Variants in TANC1 observed in about 807,000 individuals in gnomAD.
The protein encoded by TANC1 is protein TANC1.
A neutral mutation model predicts 149.7 loss-of-function variants in TANC1; 77 were observed. The observed-to-expected ratio is 0.51, with a 90% confidence interval of 0.43 to 0.62. The LOEUF (loss-of-function observed/expected upper bound fraction) is 0.62, where lower values mean the gene tolerates loss of function less well. Among genes scored for constraint, TANC1 ranks in the 20% least tolerant of loss-of-function variants. TANC1 has a pLI of 0.00. For synonymous variants in TANC1, 854 were observed against 925.0 expected, an observed-to-expected ratio of 0.92 and a Z score of 1.39; for missense variants, 1,985 against 2,321.8, an observed-to-expected ratio of 0.85 and a Z score of 2.98.
chr2:159,194,541 A>G, intron 17 of TANC1, 48 bp downstream of exon 17: 1 of 1,462,852 alleles, frequency 6.8e-7, no homozygotes. Context: ...AAATGGCTTC[A>G]TCTCATTGCT....
intron 19 of TANC1, among the ~76,000 whole-genome samples, chr2:159,213,775 C>T (rs917431850): frequency 1.3e-5 from 2 of 152,060 alleles, no homozygotes; most frequent in African/African-American, 4.8e-5. Context: ...TGAGACTGCC[C>T]AGTGATAAGT....
chr2:159,212,470 A>C (rs1041208996), intron 19 of TANC1, among the ~76,000 whole-genome samples: 2 of 152,232 alleles, frequency 1.3e-5, no homozygotes, highest in African/African-American at 4.8e-5. Context: ...AAATCACTTC[A>C]TCCCTACCCT....
intron 19 of TANC1, among the ~76,000 whole-genome samples, chr2:159,212,919 CAAAAA>C (rs35369711): frequency 2.6e-5 from 3 of 114,994 alleles, no homozygotes; most frequent in African/African-American, 6.8e-5. Flanking sequence ...GACACCGTCT[CAAAAA>C]AAAAAAAAAA....
At chr2:159,206,697 G>A (rs1227359255) in intron 19 of TANC1, among the ~76,000 whole-genome samples, 1 of 152,198 alleles carries the variant, frequency 6.6e-6, no homozygotes, top group African/African-American at 2.4e-5. Context: ...GTTTCTTCTT[G>A]AAATGATATT....
rs1298414688 is a variant in TANC1 at position 159,103,632 on chromosome 2, T to C, written c.259+5798T>C. On this transcript the variant is annotated intron_variant, in intron 4 of 26. Coordinates refer to ENST00000263635, the MANE Select transcript of TANC1 (RefSeq NM_033394.3). ...AGAAAAACATTCAGTTGGCTCCCAG[T>C]TTCAGCCGCCTGGTGCGGATCCTAG... Among the ~76,000 whole-genome samples, 7 of 96,790 alleles carry C rather than the reference T, an allele frequency of 7.2e-5. 3 individuals carry two copies. Among genetic ancestry groups the C allele is most frequent in the Admixed American group, 2.2e-4 (2 of 9,110 alleles). 63.5% of individuals were successfully genotyped at this position (96,790 alleles called of 152,430 possible).
intron 3 of TANC1, among the ~76,000 whole-genome samples, chr2:159,066,495 C>T (rs2042680101): frequency 6.6e-6 from 1 of 152,134 alleles, no homozygotes; most frequent in Non-Finnish European, 1.5e-5. Flanking sequence ...GGGTTATAAC[C>T]AAATCCTTTC....
At chr2:158,981,491 T>TTATATATATATATATA (rs10602195) in intron 1 of TANC1, among the ~76,000 whole-genome samples, 1 of 34,344 alleles carries the variant, frequency 2.9e-5, no homozygotes, top group Non-Finnish European at 6.3e-5. Flanking sequence ...TATATAGCTT[T>TTATATATATATATATA]TATATATATA....
At position 159,163,397 on chromosome 2, in the gene TANC1, C is replaced by A. The variant is rs767993243; in HGVS notation, c.797C>A (p.Ala266Glu). The A allele has an allele frequency of 6.2e-7, 1 of 1,614,230 alleles. No homozygotes were observed. The highest frequency in any genetic ancestry group is 8.5e-7 in the Non-Finnish European group (1 of 1,180,048). The change falls in exon 8 of 27, where the codon GCA (alanine) becomes GAA (glutamate). Residue 266 changes from alanine to glutamate, a missense_variant. Transcript: ENST00000263635. ...AAGGGAGTGCTTCATGACCGCAGGG[C>A]AGATAACTGCTCCCCAGTGGCAGAA... ...VQKGVLHDRR[A>E]DNCSPVAEEE...
chr2:159,159,753 A>C (rs1230593902), intron 7 of TANC1, among the ~76,000 whole-genome samples: 3 of 121,328 alleles, frequency 2.5e-5, no homozygotes, highest in Admixed American at 1.8e-4. Flanking sequence ...AGAGAGAGAG[A>C]GAGAGAGATC....
At chr2:159,113,684 C>T (rs796848459) in intron 4 of TANC1, among the ~76,000 whole-genome samples, 7 of 152,330 alleles carry the variant, frequency 4.6e-5, no homozygotes, top group African/African-American at 1.7e-4. Flanking sequence ...AGGCACCACT[C>T]CTTCAGTGGA....
Position 159,118,492 on chromosome 2 carries a change from C to G in TANC1, c.260-17702C>G, listed in dbSNP as rs187764562. The stretch of plus-strand genomic sequence containing the variant: ...TGGGTGTGATTCAGGAGTATGCAAG[C>G]CTTTCTGCCCCACTTTGTTGCCTTG... On this transcript the variant is annotated intron_variant, in intron 4 of 26. Coordinates refer to ENST00000263635, the MANE Select transcript of TANC1 (RefSeq NM_033394.3). Among the ~76,000 whole-genome samples the G allele has an allele frequency of 7.9e-5, 12 of 152,282 alleles. No individual in the cohort carries two copies. In the East Asian group the frequency reaches 1.9e-3, roughly 24 times the overall value.
At position 159,217,487 on chromosome 2, in the gene TANC1, T is replaced by C. The variant is rs764546193; in HGVS notation, c.3245-10T>C. ...GCTAACAGATTCCCCTCCATGTGAC[T>C]TTCCTTTAGCCCTGACTGCCGCCGC... On this transcript the variant is annotated splice_polypyrimidine_tract_variant and intron_variant, in intron 19 of 26. Transcript: ENST00000263635. 1 of 1,614,124 alleles carries C rather than the reference T, an allele frequency of 6.2e-7. No homozygotes were observed. Among genetic ancestry groups the C allele is most frequent in the Non-Finnish European group, 8.5e-7 (1 of 1,179,992 alleles).
At chr2:159,176,608 C>A in intron 13 of TANC1, 90 bp downstream of exon 13, 1 of 1,025,786 alleles carries the variant, frequency 9.7e-7, no homozygotes, top group Non-Finnish European at 1.4e-6. Context: ...GTAAACCATT[C>A]AGCTGCTTGA....
intron 4 of TANC1, among the ~76,000 whole-genome samples, chr2:159,115,016 G>GT (rs2048091813): frequency 6.6e-6 from 1 of 152,234 alleles, no homozygotes; most frequent in Non-Finnish European, 1.5e-5. Flanking sequence ...CTGGACTAGA[G>GT]ATGTGGTGGA....
chr2:158,983,802 A>G (rs944428488), intron 1 of TANC1, among the ~76,000 whole-genome samples: 1 of 152,200 alleles, frequency 6.6e-6, no homozygotes, highest in Admixed American at 6.5e-5. Flanking sequence ...AGATCCTCAC[A>G]GTGGAGAAAT....
intron 3 of TANC1, among the ~76,000 whole-genome samples, chr2:159,093,601 C>G (rs2045774559): frequency 6.6e-6 from 1 of 152,194 alleles, no homozygotes; most frequent in South Asian, 2.1e-4. Context: ...ACTTCTCTCC[C>G]TACTTTGTGC....
Sources: gnomAD v4.1 joint callset for allele counts (sites outside exome capture counted in the v4.1 genomes callset) on GRCh38, gnomAD v4.1.1 for gene constraint, MANE v1.5 for transcripts, NCBI Gene and HGNC (gene_info 2026-07-23, HGNC 2026-07-21) for gene names.